OLA1: variants seen among roughly 807,000 people sequenced by gnomAD.
OLA1 encodes the protein Obg like ATPase 1.
Under a neutral mutation model 48.4 loss-of-function variants are expected in OLA1, and 14 were observed. That is an observed-to-expected ratio of 0.29 (90% CI 0.19 to 0.45). The LOEUF is 0.45. OLA1 is among the 20% of genes least tolerant of loss of function. The pLI is 1.00. For missense variants in OLA1, 325 were observed against 467.1 expected, an observed-to-expected ratio of 0.70 and a Z score of 2.80; for synonymous variants, 127 against 150.4, an observed-to-expected ratio of 0.84 and a Z score of 1.14.
chr2:174,229,496 C>T, intron 2 of OLA1, 45 bp from the exon 3 acceptor site: 1 of 1,449,560 alleles, frequency 6.9e-7, no homozygotes, highest in Non-Finnish European at 9.5e-7. Context: ...AGGTTAACAC[C>T]AAGAAAAATT....
intron 4 of OLA1, among the ~76,000 whole-genome samples, chr2:174,161,904 G>T (rs979161724): frequency 1.3e-5 from 2 of 152,076 alleles, no homozygotes; most frequent in African/African-American, 4.8e-5. Flanking sequence ...CGTATTTTAG[G>T]TATCTAGGGA....
At chr2:174,212,220 C>A (rs1483393439) in intron 4 of OLA1, among the ~76,000 whole-genome samples, 1 of 152,170 alleles carries the variant, frequency 6.6e-6, no homozygotes, top group African/African-American at 2.4e-5. Flanking sequence ...AGGCTACAAA[C>A]CTGTATAGCA....
At chr2:174,242,329 A>G (rs1559022701) in intron 2 of OLA1, among the ~76,000 whole-genome samples, 1 of 152,238 alleles carries the variant, frequency 6.6e-6, no homozygotes, top group Non-Finnish European at 1.5e-5. Context: ...TTGCATGCGC[A>G]GTTCACAACA....
intron 7 of OLA1, among the ~76,000 whole-genome samples, chr2:174,084,126 T>C (rs1162708098): frequency 2.0e-5 from 3 of 152,176 alleles, no homozygotes; most frequent in African/African-American, 4.8e-5. Context: ...TTAACTATAA[T>C]TGGCAAAAAA....
At chr2:174,225,500 G>A (rs560697169) in intron 3 of OLA1, among the ~76,000 whole-genome samples, 1 of 152,164 alleles carries the variant, frequency 6.6e-6, no homozygotes, top group South Asian at 2.1e-4. Flanking sequence ...AGTGAGCTGA[G>A]ATCGCGCCAT....
rs115345496 is a variant in OLA1, at chr2:174,142,064, G to A, written c.374-64C>T. 2,230 of 1,360,490 alleles carry A rather than the reference G, an allele frequency of 1.6e-3. 36 individuals carry two copies. In the African/African-American group the frequency reaches 0.028, roughly 17 times the overall value. The allele number at this position is 1,360,490 out of a possible 1,614,324, so 84.3% of individuals were successfully genotyped here. A position where few individuals can be genotyped will look rare whatever the true frequency, so the allele number is the denominator to read the frequency against. The stretch of plus-strand genomic sequence containing the variant: ...AATACAGCGTGTTCATTATGATAGA[G>A]TGAAAGATTCCTAGAAGGTTAACAA... On this transcript the variant is annotated intron_variant, in intron 4 of 10. Transcript: ENST00000284719.
At chr2:174,088,164 T>C (rs918642681) in intron 7 of OLA1, among the ~76,000 whole-genome samples, 2 of 152,238 alleles carry the variant, frequency 1.3e-5, no homozygotes, top group African/African-American at 2.4e-5. Flanking sequence ...CGTAGCATCA[T>C]TCAGTCATTA....
At chr2:174,080,287 G>C (rs1264007698) in intron 9 of OLA1, among the ~76,000 whole-genome samples, 1 of 151,812 alleles carries the variant, frequency 6.6e-6, no homozygotes, top group African/African-American at 2.4e-5. Flanking sequence ...ACTGAAAACA[G>C]GAATCAAAGC....
intron 7 of OLA1, among the ~76,000 whole-genome samples, chr2:174,107,052 G>T (rs1362821734): frequency 6.6e-6 from 1 of 152,114 alleles, no homozygotes; most frequent in Admixed American, 6.6e-5. Context: ...TGATGATAAA[G>T]GGTCATTAGG....
chr2:174,223,732 G>T (rs935962281), intron 3 of OLA1, among the ~76,000 whole-genome samples: 1 of 141,970 alleles, frequency 7.0e-6, no homozygotes, highest in African/African-American at 2.6e-5. Flanking sequence ...AGGCTGTCTG[G>T]GTTTGCATTT....
rs71021672 is a variant in OLA1 at position 174,144,951 on chromosome 2, AATATAT to A, written c.374-2957_374-2952del. On this transcript the variant is annotated intron_variant, in intron 4 of 10. Coordinates refer to ENST00000284719, the MANE Select transcript of OLA1 (RefSeq NM_013341.5). Reference sequence around the variant, plus strand: ...TGTTTAAAAAAAAAAAAAAAAAAAAAATATATATATATATATATATATATATATATA... The same window carrying A: ...TGTTTAAAAAAAAAAAAAAAAAAAAAATATATATATATATATATATATATA... Among the ~76,000 whole-genome samples, 335 of 40,272 alleles carry A rather than the reference AATATAT, an allele frequency of 8.3e-3. 2 individuals carry two copies. The highest frequency in any genetic ancestry group is 0.014 in the East Asian group (7 of 516). The allele number at this position is 40,272 out of a possible 152,430, so 26.4% of individuals were successfully genotyped here. A position where few individuals can be genotyped will look rare whatever the true frequency, so the allele number is the denominator to read the frequency against.
At chr2:174,104,765 T>C (rs890440077) in intron 7 of OLA1, among the ~76,000 whole-genome samples, 20 of 152,030 alleles carry the variant, frequency 1.3e-4, no homozygotes, top group African/African-American at 4.8e-4. Flanking sequence ...TAAATATTTA[T>C]AAAATAATTA....
intron 5 of OLA1, among the ~76,000 whole-genome samples, chr2:174,128,736 CAAA>C (rs55808846): frequency 5.3e-5 from 7 of 131,186 alleles, no homozygotes; most frequent in Admixed American, 7.6e-5. Flanking sequence ...AAACTTGTCT[CAAA>C]AAAAAAAAAA....
intron 4 of OLA1, among the ~76,000 whole-genome samples, chr2:174,152,705 C>T (rs1166396022): frequency 6.6e-6 from 1 of 152,116 alleles, no homozygotes; most frequent in Admixed American, 6.5e-5. Flanking sequence ...GTAATGTAAA[C>T]TGTTAATTAC....
rs1558984412 is a variant in OLA1 at position 174,163,715 on chromosome 2, T to TAA, written c.374-21716_374-21715insTT. The stretch of plus-strand genomic sequence containing the variant: ...CAAAAATAAAATAAATAAATAAATA[T>TAA]ATATATATATATATATATATATATA... On this transcript the variant is annotated intron_variant, in intron 4 of 10. Coordinates refer to ENST00000284719, the MANE Select transcript of OLA1 (RefSeq NM_013341.5). 3.4e-4 allele frequency among the ~76,000 whole-genome samples: 6 copies of TAA among 17,844 alleles called. No individual in the cohort carries two copies. In the East Asian group the frequency reaches 3.5e-3, roughly 10 times the overall value. 11.7% of individuals were successfully genotyped at this position (17,844 alleles called of 152,430 possible). A position where few individuals can be genotyped will look rare whatever the true frequency, so the allele number is the denominator to read the frequency against.
intron 4 of OLA1, among the ~76,000 whole-genome samples, chr2:174,210,458 T>G (rs1405063201): frequency 1.3e-5 from 2 of 152,210 alleles, no homozygotes; most frequent in East Asian, 3.8e-4. Flanking sequence ...CAATTAATTT[T>G]TTTAAGTAAT....
At chr2:174,134,258 A>AT (rs929632184) in intron 5 of OLA1, among the ~76,000 whole-genome samples, 1 of 151,840 alleles carries the variant, frequency 6.6e-6, no homozygotes, top group African/African-American at 2.4e-5. Context: ...TGTCAAACTC[A>AT]TTTTTTTTCT....
At chr2:174,241,700 A>G (rs1241286250) in intron 2 of OLA1, among the ~76,000 whole-genome samples, 1 of 152,218 alleles carries the variant, frequency 6.6e-6, no homozygotes, top group Non-Finnish European at 1.5e-5. Flanking sequence ...CAGTGGCACA[A>G]TCTTGGTTCA....
At chr2:174,206,570 T>C (rs1012957784) in intron 4 of OLA1, among the ~76,000 whole-genome samples, 2 of 151,484 alleles carry the variant, frequency 1.3e-5, no homozygotes, top group African/African-American at 4.9e-5. Context: ...CAGAAAAAAA[T>C]ACAAATGCCT....
Sources: allele counts gnomAD v4.1 joint callset (sites outside exome capture counted in the v4.1 genomes callset), GRCh38; gene constraint gnomAD v4.1.1; transcripts MANE v1.5; gene names NCBI Gene and HGNC (gene_info 2026-07-23, HGNC 2026-07-21).